The following NRXN1 variants were observed in gnomAD, a reference collection of about 807,000 sequenced individuals.
NRXN1 encodes neurexin-1.
NRXN1 carries 39 observed loss-of-function variants against 150.9 expected under a neutral mutation model. The ratio of observed to expected loss-of-function variants is 0.26; its 90% CI spans 0.20 to 0.34. The LOEUF is 0.34. Ranked by LOEUF, NRXN1 falls within the 10% of genes least tolerant of loss-of-function variation. NRXN1 has a pLI of 1.00. For missense variants in NRXN1, 1,815 were observed against 1,949.9 expected (o/e 0.93, Z 1.30); for synonymous variants, 924 against 757.0 (o/e 1.22, Z -3.62).
chr2:50,902,278 TCACTGAA>T (rs1683066261), intron 5 of NRXN1, among the ~76,000 whole-genome samples: 1 of 151,720 alleles, frequency 6.6e-6, no homozygotes, highest in African/African-American at 2.4e-5. Context: ...TTGCTTAGAA[TCACTGAA>T]GTAAAAACAG....
intron 19 of NRXN1, among the ~76,000 whole-genome samples, chr2:50,076,256 T>A (rs1227846143): frequency 1.3e-5 from 2 of 152,160 alleles, no homozygotes; most frequent in Admixed American, 1.3e-4. Flanking sequence ...TTATGTGAAC[T>A]GAAGTCTGAC....
At chr2:50,283,498 G>A (rs898342861) in intron 17 of NRXN1, among the ~76,000 whole-genome samples, 8 of 152,074 alleles carry the variant, frequency 5.3e-5, no homozygotes, top group Admixed American at 4.6e-4. Context: ...GAATGTTAAG[G>A]CTTGAATTTG....
intron 12 of NRXN1, among the ~76,000 whole-genome samples, chr2:50,518,446 T>C (rs1044704586): frequency 6.6e-6 from 1 of 151,972 alleles, no homozygotes; most frequent in African/African-American, 2.4e-5. Context: ...TGAAAATGTA[T>C]TCAGTGTTTG....
chr2:50,800,155 T>C (rs1707387859), intron 5 of NRXN1, among the ~76,000 whole-genome samples: 1 of 152,186 alleles, frequency 6.6e-6, no homozygotes. Flanking sequence ...CCATTTTATT[T>C]TGACCCATTG....
At chr2:49,928,248 C>G (rs995312982) in intron 22 of NRXN1, among the ~76,000 whole-genome samples, 1 of 150,286 alleles carries the variant, frequency 6.7e-6, no homozygotes, top group Admixed American at 6.6e-5. Flanking sequence ...TCCTGTCTTG[C>G]AATGATCCTT....
chr2:50,103,295 G>C (rs1029586651), intron 18 of NRXN1, among the ~76,000 whole-genome samples: 2 of 151,988 alleles, frequency 1.3e-5, no homozygotes, highest in Admixed American at 6.6e-5. Context: ...TATCCAGAGA[G>C]CCCTTTTATC....
chr2:50,922,891 T>C (rs1287002652), intron 3 of NRXN1, among the ~76,000 whole-genome samples: 2 of 151,894 alleles, frequency 1.3e-5, no homozygotes, highest in Admixed American at 6.6e-5. Context: ...TTTTAAACAC[T>C]GGCATATGCT....
At chr2:50,489,307 A>T (rs1159953763) in intron 15 of NRXN1, among the ~76,000 whole-genome samples, 2 of 152,154 alleles carry the variant, frequency 1.3e-5, no homozygotes, top group Non-Finnish European at 2.9e-5. Flanking sequence ...GGATCTTTAA[A>T]GTTTCACCAA....
chr2:50,432,007 T>A (rs1010202321), intron 17 of NRXN1, among the ~76,000 whole-genome samples: 1 of 152,202 alleles, frequency 6.6e-6, no homozygotes, highest in African/African-American at 2.4e-5. Context: ...CAGGCAATGC[T>A]ACTGTACAGA....
chr2:50,532,024 T>C (rs937904467), intron 10 of NRXN1, among the ~76,000 whole-genome samples: 1 of 152,060 alleles, frequency 6.6e-6, no homozygotes, highest in African/African-American at 2.4e-5. Flanking sequence ...TTATTATTAA[T>C]ACTTTTTTCT....
At chr2:50,854,804 A>G (rs1309332300) in intron 5 of NRXN1, among the ~76,000 whole-genome samples, 1 of 152,102 alleles carries the variant, frequency 6.6e-6, no homozygotes, top group East Asian at 1.9e-4. Flanking sequence ...ACTAGAAAAC[A>G]TAATATTTTC....
At chr2:50,305,383 T>G (rs1339921019) in intron 17 of NRXN1, among the ~76,000 whole-genome samples, 1 of 152,178 alleles carries the variant, frequency 6.6e-6, no homozygotes, top group Admixed American at 6.5e-5. Flanking sequence ...AAAAATCAAA[T>G]AGCCATTTAA....
chr2:50,873,600 G>T (rs1183851433), intron 5 of NRXN1, among the ~76,000 whole-genome samples: 1 of 151,740 alleles, frequency 6.6e-6, no homozygotes, highest in African/African-American at 2.4e-5. Context: ...AATTAACCAT[G>T]AGCTCCACTT....
intron 17 of NRXN1, among the ~76,000 whole-genome samples, chr2:50,434,255 C>A (rs1254573876): frequency 1.3e-5 from 2 of 150,568 alleles, no homozygotes; most frequent in Non-Finnish European, 3.0e-5. Context: ...GTTGTTGTTG[C>A]TTTTTTTTGG....
intron 18 of NRXN1, among the ~76,000 whole-genome samples, chr2:50,128,593 G>A (rs1704961313): frequency 6.6e-6 from 1 of 152,080 alleles, no homozygotes. Flanking sequence ...TAATCTCACT[G>A]GAATTGCTGA....
At chr2:50,397,758 G>A (rs1337406472) in intron 17 of NRXN1, among the ~76,000 whole-genome samples, 1 of 152,084 alleles carries the variant, frequency 6.6e-6, no homozygotes, top group Non-Finnish European at 1.5e-5. Flanking sequence ...AGGTATGAGA[G>A]ATTTCTTTTT....
At chr2:50,759,916 T>C (rs1236548673) in intron 5 of NRXN1, among the ~76,000 whole-genome samples, 1 of 151,000 alleles carries the variant, frequency 6.6e-6, no homozygotes, top group Non-Finnish European at 1.5e-5. Flanking sequence ...AGATCACTCC[T>C]ATATTATACC....
At chr2:50,131,045 T>A (rs922782007) in intron 18 of NRXN1, among the ~76,000 whole-genome samples, 1 of 152,232 alleles carries the variant, frequency 6.6e-6, no homozygotes, top group Non-Finnish European at 1.5e-5. Context: ...TGAAACCATG[T>A]TTAGGCATCA....
intron 17 of NRXN1, among the ~76,000 whole-genome samples, chr2:50,459,655 T>A (rs1239514288): frequency 6.6e-6 from 1 of 152,188 alleles, no homozygotes; most frequent in Non-Finnish European, 1.5e-5. Context: ...TTTCTTTTTA[T>A]GTTTGCATGG....
Sources: allele counts gnomAD v4.1 joint callset (sites outside exome capture counted in the v4.1 genomes callset), GRCh38; gene constraint gnomAD v4.1.1; transcripts MANE v1.5; gene names NCBI Gene and HGNC (gene_info 2026-07-23, HGNC 2026-07-21).